The following AGMO variants were observed in gnomAD, a reference collection of about 807,000 sequenced individuals.
The protein encoded by AGMO is alkylglycerol monooxygenase.
A neutral mutation model predicts 60.2 loss-of-function variants in AGMO; 75 were observed. The observed-to-expected ratio is 1.25, with a 90% CI of 1.03 to 1.51. AGMO has a LOEUF of 1.51. Ranked by LOEUF, AGMO falls within the 40% of genes most tolerant of loss-of-function variation. The pLI is 0.00. For missense variants in AGMO, 763 were observed against 525.5 expected, an observed-to-expected ratio of 1.45 and a Z score of -4.42; for synonymous variants, 261 against 177.1, an observed-to-expected ratio of 1.47 and a Z score of -3.76.
At chr7:15,226,942 A>G (rs775177295) in intron 12 of AGMO, among the ~76,000 whole-genome samples, 3 of 152,088 alleles carry the variant, frequency 2.0e-5, no homozygotes, top group Non-Finnish European at 2.9e-5. Flanking sequence ...AATACCACCT[A>G]TAAGAGAAAA....
intron 12 of AGMO, among the ~76,000 whole-genome samples, chr7:15,270,555 T>C (rs1298662451): frequency 6.6e-6 from 1 of 150,956 alleles, no homozygotes; most frequent in African/African-American, 2.4e-5. Context: ...TGCAAATATT[T>C]TCTGTCATTT....
intron 12 of AGMO, among the ~76,000 whole-genome samples, chr7:15,217,962 C>T (rs73277616): frequency 0.033 from 4,978 of 151,852 alleles, 291 homozygotes; most frequent in African/African-American, 0.11. Context: ...AACTGTGTGT[C>T]CTGGGGGTTT....
At chr7:15,365,380 T>TAAAAAAAAAAAAAAAATAAAAA (rs60202363) in intron 12 of AGMO, 134 bp downstream of exon 12, 3 of 223,988 alleles carry the variant, frequency 1.3e-5, no homozygotes, top group African/African-American at 1.2e-4. Flanking sequence ...TACTGGTAAG[T>TAAAAAAAAAAAAAAAATAAAAA]AAAAAAAAAA....
intron 12 of AGMO, among the ~76,000 whole-genome samples, chr7:15,213,620 A>G (rs1182957574): frequency 6.6e-6 from 1 of 151,950 alleles, no homozygotes; most frequent in Non-Finnish European, 1.5e-5. Flanking sequence ...AAGTATGTAT[A>G]GAGGATGGCA....
chr7:15,499,735 TCAA>T lies in AGMO; in HGVS notation c.409+45034_409+45036del, dbSNP rs748448381. Reference sequence around the variant, plus strand: ...CCAAAGACTGAGCTAATTCAAATGTTCAACAATAGAGAACTGCCTGAATAAATT... The same window carrying T: ...CCAAAGACTGAGCTAATTCAAATGTTCAATAGAGAACTGCCTGAATAAATT... On this transcript the variant is annotated intron_variant, in intron 3 of 12. Coordinates refer to ENST00000342526, the MANE Select transcript of AGMO (RefSeq NM_001004320.2). Among the ~76,000 whole-genome samples, 6 of 151,758 alleles carry T rather than the reference TCAA, an allele frequency of 4.0e-5. No homozygotes were observed. In the East Asian group the frequency reaches 7.7e-4, roughly 20 times the overall value.
the AGMO span, among the ~76,000 whole-genome samples, chr7:15,135,974 C>CTTTTTTTTTTTTTTTTTTTTTTTT: frequency 1.6e-5 from 1 of 63,808 alleles, no homozygotes; most frequent in African/African-American, 4.0e-5. Flanking sequence ...TATATTTTTT[C>CTTTTTTTTTTTTTTTTTTTTTTTT]TTTTCTTTTT....
chr7:15,295,622 G>A lies in AGMO; in HGVS notation c.1263+69892C>T, dbSNP rs191788764. Reference sequence around the variant, plus strand: ...ATAATTTTGATTAAAATAATATATAGATGTTTTGAAAATAATGAAAGTTAA... The same window carrying A: ...ATAATTTTGATTAAAATAATATATAAATGTTTTGAAAATAATGAAAGTTAA... On this transcript the variant is annotated intron_variant, in intron 12 of 12. Coordinates refer to ENST00000342526, the MANE Select transcript of AGMO (RefSeq NM_001004320.2). Among the ~76,000 whole-genome samples, 6 of 152,070 alleles carry A rather than the reference G, an allele frequency of 3.9e-5. No homozygotes were observed. In the East Asian group the frequency reaches 1.2e-3, roughly 29 times the overall value.
In AGMO at chr7:15,531,213, A is replaced by G. The variant is rs1432993703; in HGVS notation, c.409+13559T>C. On this transcript the variant is annotated intron_variant, in intron 3 of 12. Transcript: ENST00000342526. ...TATATTCTATATATATATTCTATAT[A>G]TTCTATATATATTCTATATATATAT... Among the ~76,000 whole-genome samples, 3 of 94,316 alleles carry G rather than the reference A, an allele frequency of 3.2e-5. No individual in the cohort carries two copies. The South Asian group carries it at 9.9e-4, about 31-fold the overall frequency. 61.9% of individuals were successfully genotyped at this position (94,316 alleles called of 152,430 possible).
chr7:15,422,020 C>A (rs1270643111), intron 4 of AGMO, among the ~76,000 whole-genome samples: 1 of 151,720 alleles, frequency 6.6e-6, no homozygotes, highest in Non-Finnish European at 1.5e-5. Context: ...AGAAGACTCC[C>A]AGTTAATGTC....
At chr7:15,545,068 CT>C in intron 2 of AGMO, 145 bp from the exon 3 acceptor site, 1 of 532,668 alleles carries the variant, frequency 1.9e-6, no homozygotes. Context: ...TATGTCATTC[CT>C]TTTAAAGGCT....
the AGMO span, among the ~76,000 whole-genome samples, chr7:15,153,340 G>A: frequency 6.6e-6 from 1 of 152,042 alleles, no homozygotes; most frequent in Non-Finnish European, 1.5e-5. Flanking sequence ...GAGCATTTTA[G>A]TTTAATTAAG....
At chr7:15,141,253 G>A in the AGMO span, among the ~76,000 whole-genome samples, 5 of 151,934 alleles carry the variant, frequency 3.3e-5, no homozygotes, top group African/African-American at 9.7e-5. Flanking sequence ...TTGTCTTCTT[G>A]GAGACTTCTG....
chr7:15,475,516 G>C (rs1026706160), intron 3 of AGMO, among the ~76,000 whole-genome samples: 1 of 151,942 alleles, frequency 6.6e-6, no homozygotes, highest in Non-Finnish European at 1.5e-5. Flanking sequence ...GCAGGGAGGG[G>C]AACATCACAC....
At chr7:15,202,365 G>A (rs1781313570) in intron 12 of AGMO, among the ~76,000 whole-genome samples, 1 of 146,368 alleles carries the variant, frequency 6.8e-6, no homozygotes, top group Non-Finnish European at 1.5e-5. Context: ...GAGGACAGCT[G>A]TTAACTCACA....
At chr7:15,401,922 A>G (rs1784561493) in intron 5 of AGMO, among the ~76,000 whole-genome samples, 1 of 152,086 alleles carries the variant, frequency 6.6e-6, no homozygotes, top group South Asian at 2.1e-4. Context: ...GAGTGACAAC[A>G]TTGACTATAA....
chr7:15,559,183 A>G (rs1012826054), intron 2 of AGMO, among the ~76,000 whole-genome samples: 2 of 152,144 alleles, frequency 1.3e-5, no homozygotes, highest in African/African-American at 2.4e-5. Flanking sequence ...TGTTACAGGA[A>G]TATTACTGCT....
At chr7:15,166,029 G>C in the AGMO span, among the ~76,000 whole-genome samples, 3 of 152,078 alleles carry the variant, frequency 2.0e-5, no homozygotes, top group African/African-American at 7.2e-5. Flanking sequence ...ACCATGTGTT[G>C]AGCATGATAC....
chr7:15,421,487 AG>A (rs1562498698), intron 4 of AGMO, among the ~76,000 whole-genome samples: 1 of 152,166 alleles, frequency 6.6e-6, no homozygotes, highest in Non-Finnish European at 1.5e-5. Context: ...CCCAGAGAAA[AG>A]TGATGCATAT....
chr7:15,337,117 G>A (rs901070828), intron 12 of AGMO, among the ~76,000 whole-genome samples: 1 of 152,120 alleles, frequency 6.6e-6, no homozygotes, highest in Non-Finnish European at 1.5e-5. Flanking sequence ...CCCTAAATCC[G>A]TGGGATAAGG....
Sources: allele counts gnomAD v4.1 joint callset (sites outside exome capture counted in the v4.1 genomes callset), GRCh38; gene constraint gnomAD v4.1.1; transcripts MANE v1.5; gene names NCBI Gene and HGNC (gene_info 2026-07-23, HGNC 2026-07-21).